The following SMYD3 variants were observed in gnomAD, a reference collection of about 807,000 sequenced individuals.
The protein encoded by SMYD3 is histone-lysine N-methyltransferase SMYD3.
Under a neutral mutation model 57.7 loss-of-function variants are expected in SMYD3, and 36 were observed. That is an observed-to-expected ratio of 0.62 (90% CI 0.48 to 0.82). The LOEUF (loss-of-function observed/expected upper bound fraction) is 0.82. SMYD3 is among the 40% of genes least tolerant of loss of function. SMYD3 has a pLI of 0.00. For missense variants in SMYD3, 515 were observed against 538.8 expected (o/e 0.96, Z 0.44); for synonymous variants, 211 against 195.0 (o/e 1.08, Z -0.68).
chr1:246,019,720 T>C (rs1260316009), intron 5 of SMYD3, among the ~76,000 whole-genome samples: 1 of 152,170 alleles, frequency 6.6e-6, no homozygotes, highest in Non-Finnish European at 1.5e-5. Flanking sequence ...TAATTATTAA[T>C]TTAATTTTTT....
intron 5 of SMYD3, among the ~76,000 whole-genome samples, chr1:246,143,857 C>A (rs1365383182): frequency 1.3e-5 from 2 of 152,162 alleles, no homozygotes; most frequent in Non-Finnish European, 2.9e-5. Context: ...TACATCACCT[C>A]ACAGAAGGGC....
intron 5 of SMYD3, among the ~76,000 whole-genome samples, chr1:246,246,216 T>G (rs1292950007): frequency 6.6e-6 from 1 of 152,164 alleles, no homozygotes; most frequent in East Asian, 1.9e-4. Context: ...TTAAAAAAAT[T>G]AATAAAACGT....
chr1:245,988,818 CT>C (rs978379289), intron 5 of SMYD3, among the ~76,000 whole-genome samples: 2 of 152,260 alleles, frequency 1.3e-5, no homozygotes, highest in South Asian at 4.2e-4. Flanking sequence ...AACTCAAAGG[CT>C]TTTTTTGTCA....
intron 11 of SMYD3, among the ~76,000 whole-genome samples, chr1:245,750,681 A>G (rs563874388): frequency 6.6e-6 from 1 of 151,078 alleles, no homozygotes; most frequent in Admixed American, 6.6e-5. Context: ...TTTTGTAATA[A>G]ATAAGAGATA....
chr1:246,153,431 GA>G (rs1247746391), intron 5 of SMYD3, among the ~76,000 whole-genome samples: 1 of 145,380 alleles, frequency 6.9e-6, no homozygotes, highest in Non-Finnish European at 1.5e-5. Context: ...GAGGGAGGGA[GA>G]GGGGGAGGGA....
At chr1:246,435,339 G>T (rs1230108226) in intron 1 of SMYD3, among the ~76,000 whole-genome samples, 1 of 151,932 alleles carries the variant, frequency 6.6e-6, no homozygotes. Flanking sequence ...TTTTTTTAAA[G>T]AATGTGTTTG....
chr1:245,765,629 A>T (rs2046055201), intron 10 of SMYD3, among the ~76,000 whole-genome samples: 1 of 152,138 alleles, frequency 6.6e-6, no homozygotes, highest in Non-Finnish European at 1.5e-5. Context: ...GGCTTCCTGG[A>T]GGTGGGAAAT....
intron 11 of SMYD3, among the ~76,000 whole-genome samples, chr1:245,762,179 G>T (rs1284067498): frequency 6.6e-6 from 1 of 152,144 alleles, no homozygotes; most frequent in Non-Finnish European, 1.5e-5. Flanking sequence ...CTTTAGGTGA[G>T]CTCTTGCATG....
In SMYD3 at chr1:246,203,687, G is replaced by T. The variant is rs1228516905; in HGVS notation, c.531+123514C>A. ...TTCAAAGACCTTCTCTCCAAATATG[G>T]TCACATTCTGAAGTACCGGTGGTTA... is the stretch of plus-strand genomic sequence containing the variant. On this transcript the variant is annotated intron_variant, in intron 5 of 11. Coordinates refer to ENST00000490107, the MANE Select transcript of SMYD3 (RefSeq NM_001167740.2). This position sits in a 1 kb window ranked among gnomAD's most constrained non-coding sequence, Gnocchi z 4.6. Among the ~76,000 whole-genome samples, 1 of 152,124 alleles carries T rather than the reference G, an allele frequency of 6.6e-6. No individual in the cohort carries two copies. Among genetic ancestry groups the T allele is most frequent in the African/African-American group, 2.4e-5 (1 of 41,416 alleles).
chr1:246,180,123 T>C (rs1019201173), intron 5 of SMYD3, among the ~76,000 whole-genome samples: 3 of 150,574 alleles, frequency 2.0e-5, no homozygotes, highest in African/African-American at 7.4e-5. Context: ...CCCTGGGCAA[T>C]ATAGCAAGAT....
In SMYD3 at chr1:245,883,961, A is replaced by G. The variant is rs182250128; in HGVS notation, c.814-20075T>C. Among the ~76,000 whole-genome samples the G allele has an allele frequency of 2.6e-5, 4 of 152,210 alleles. No individual in the cohort carries two copies. The East Asian group carries it at 7.7e-4, about 29-fold the overall frequency. ...AAAGTTTCATGATTTTTTTTCCTTT[A>G]GCGGTAGGATGTCTAATATTTCTAT... On this transcript the variant is annotated intron_variant, in intron 8 of 11. Coordinates refer to ENST00000490107, the MANE Select transcript of SMYD3 (RefSeq NM_001167740.2).
At chr1:246,386,181 T>C (rs943398078) in intron 1 of SMYD3, among the ~76,000 whole-genome samples, 1 of 152,128 alleles carries the variant, frequency 6.6e-6, no homozygotes, top group Non-Finnish European at 1.5e-5. Context: ...AGCCACCGCG[T>C]CTGGCCTAAA....
intron 1 of SMYD3, among the ~76,000 whole-genome samples, chr1:246,490,940 T>C (rs1470744838): frequency 6.6e-6 from 1 of 151,684 alleles, no homozygotes; most frequent in Non-Finnish European, 1.5e-5. Flanking sequence ...AGAACACGTA[T>C]TAAGTATGAG....
chr1:245,942,331 T>C (rs1390502572), intron 5 of SMYD3, among the ~76,000 whole-genome samples: 2 of 152,188 alleles, frequency 1.3e-5, no homozygotes, highest in Non-Finnish European at 2.9e-5. Flanking sequence ...ATTGCAATCC[T>C]AGTTTTTAAC....
chr1:246,144,894 G>A (rs765863448), intron 5 of SMYD3, among the ~76,000 whole-genome samples: 43 of 152,212 alleles, frequency 2.8e-4, no homozygotes, highest in Non-Finnish European at 5.0e-4. Flanking sequence ...CAGGAAGCAC[G>A]AATCGGGTTT....
intron 1 of SMYD3, among the ~76,000 whole-genome samples, chr1:246,496,129 C>T (rs1462069383): frequency 1.3e-5 from 2 of 151,636 alleles, no homozygotes; most frequent in African/African-American, 2.4e-5. Flanking sequence ...CTCTGCCTCC[C>T]GGGTTCAAGC....
At chr1:246,241,503 A>C (rs540823686) in intron 5 of SMYD3, among the ~76,000 whole-genome samples, 1 of 152,262 alleles carries the variant, frequency 6.6e-6, no homozygotes, top group South Asian at 2.1e-4. Flanking sequence ...CCAGTATTTT[A>C]TTGAGGATTT....
chr1:245,923,821 T>G lies in SMYD3; in HGVS notation c.702+4110A>C, dbSNP rs140271143. Among the ~76,000 whole-genome samples the G allele has an allele frequency of 1.8e-4, 27 of 152,356 alleles. No homozygotes were observed. The East Asian group carries it at 5.2e-3, about 29-fold the overall frequency. On this transcript the variant is annotated intron_variant, in intron 7 of 11. Coordinates refer to ENST00000490107, the MANE Select transcript of SMYD3 (RefSeq NM_001167740.2). ...TCTGTCAGTTTCCTCAACTATACCT[T>G]GAACTCTTGAAGTCAGGGCTGGGTC...
chr1:246,122,972 T>G (rs2061445862), intron 5 of SMYD3, among the ~76,000 whole-genome samples: 2 of 152,220 alleles, frequency 1.3e-5, no homozygotes, highest in Admixed American at 1.3e-4. Flanking sequence ...TTGAGTTTTT[T>G]GATTTTACTT....
Sources: allele counts gnomAD v4.1 joint callset (sites outside exome capture counted in the v4.1 genomes callset), GRCh38; gene constraint gnomAD v4.1.1; non-coding constraint Gnocchi (gnomAD v3.1); transcripts MANE v1.5; gene names NCBI Gene and HGNC (gene_info 2026-07-23, HGNC 2026-07-21).